GTF2F2: variants seen among roughly 807,000 people sequenced by gnomAD.
The protein encoded by GTF2F2 is ATP-dependent helicase GTF2F2.
Under a neutral mutation model 42.2 loss-of-function variants are expected in GTF2F2, and 23 were observed. The ratio of observed to expected loss-of-function variants is 0.55; its 90% CI spans 0.39 to 0.77. The LOEUF (loss-of-function observed/expected upper bound fraction) is 0.77, where lower values mean the gene tolerates loss of function less well. GTF2F2 is among the 30% of genes least tolerant of loss of function. GTF2F2 has a pLI of 0.00. For missense variants in GTF2F2, 261 were observed against 287.2 expected (o/e 0.91, Z 0.66); for synonymous variants, 105 against 100.8 (o/e 1.04, Z -0.25).
At chr13:45,266,544 TCTGTTAGATAAA>T (rs1283416877) in intron 6 of GTF2F2, among the ~76,000 whole-genome samples, 2 of 152,170 alleles carry the variant, frequency 1.3e-5, no homozygotes, top group Non-Finnish European at 2.9e-5. Flanking sequence ...TGAAACTGCA[TCTGTTAGATAAA>T]CTGTTTTACT....
chr13:45,167,011 G>A (rs1428583568), intron 4 of GTF2F2, among the ~76,000 whole-genome samples: 4 of 151,816 alleles, frequency 2.6e-5, no homozygotes, highest in African/African-American at 9.7e-5. Flanking sequence ...AGACAGCTGT[G>A]GCCTGCCCAG....
At chr13:45,122,269 GA>G (rs540713189) in intron 1 of GTF2F2, among the ~76,000 whole-genome samples, 53 of 146,918 alleles carry the variant, frequency 3.6e-4, no homozygotes, top group East Asian at 7.9e-4. Flanking sequence ...ATTTATTCAG[GA>G]AAAAAAAAAA....
intron 4 of GTF2F2, among the ~76,000 whole-genome samples, chr13:45,196,427 T>C (rs1344352510): frequency 6.6e-6 from 1 of 152,220 alleles, no homozygotes; most frequent in Non-Finnish European, 1.5e-5. Context: ...TTAGATTAAG[T>C]CTTTTCTGTC....
rs1873689755 is a variant in GTF2F2, at chr13:45,212,441, TTTCTTG to T, written c.386+4939_386+4944del. Among the ~76,000 whole-genome samples the T allele has an allele frequency of 1.3e-4, 11 of 85,212 alleles. 1 individual carries two copies. Among genetic ancestry groups the T allele is most frequent in the African/African-American group, 4.9e-4 (11 of 22,578 alleles). The allele number at this position is 85,212 out of a possible 152,430, so 55.9% of individuals were successfully genotyped here. On this transcript the variant is annotated intron_variant, in intron 5 of 7. Transcript: ENST00000340473. ...TAGGATTGATTTCTTTCTTTCTTTC[TTTCTTG>T]TTTCTTTCTTTCTTTCTTTCTTTCT...
At chr13:45,140,952 T>C (rs1026340847) in intron 2 of GTF2F2, among the ~76,000 whole-genome samples, 4 of 152,234 alleles carry the variant, frequency 2.6e-5, no homozygotes, top group Admixed American at 6.5e-5. Context: ...GCTTTGGGCC[T>C]TACACTTCTT....
At chr13:45,155,993 G>A (rs1411449064) in intron 4 of GTF2F2, among the ~76,000 whole-genome samples, 1 of 151,106 alleles carries the variant, frequency 6.6e-6, no homozygotes, top group Non-Finnish European at 1.5e-5. Flanking sequence ...TTTTTTAGAG[G>A]CAGTGTCTCA....
At chr13:45,271,349 A>G (rs1026969434) in intron 7 of GTF2F2, among the ~76,000 whole-genome samples, 1 of 151,562 alleles carries the variant, frequency 6.6e-6, no homozygotes, top group Non-Finnish European at 1.5e-5. Context: ...CCACCTACCC[A>G]ATTTCAAGTC....
At position 45,240,101 on chromosome 13, in the gene GTF2F2, A is replaced by ATTTTTTTTTT. The variant is rs34744288; in HGVS notation, c.387-12753_387-12744dup. On this transcript the variant is annotated intron_variant, in intron 5 of 7. Coordinates refer to ENST00000340473, the MANE Select transcript of GTF2F2 (RefSeq NM_004128.3). ...TCCAATTTCTGTATTATGTAGAGGGATTTTTTTTTTTTTTTTTTTTTTTTT... is the reference window on the plus strand; with the variant it reads ...TCCAATTTCTGTATTATGTAGAGGGATTTTTTTTTTTTTTTTTTTTTTTTTTTTTTTTTTT... Among the ~76,000 whole-genome samples the ATTTTTTTTTT allele has an allele frequency of 1.5e-4, 14 of 91,094 alleles. 1 individual carries two copies. The highest frequency in any genetic ancestry group is 4.2e-4 in the African/African-American group (8 of 18,846). 59.8% of individuals were successfully genotyped at this position (91,094 alleles called of 152,430 possible).
At chr13:45,146,639 G>A (rs1317522518) in intron 2 of GTF2F2, among the ~76,000 whole-genome samples, 1 of 152,160 alleles carries the variant, frequency 6.6e-6, no homozygotes, top group Non-Finnish European at 1.5e-5. Context: ...TATTTTAAAA[G>A]TGTAAGAAAA....
chr13:45,223,435 A>G (rs536100733), intron 5 of GTF2F2, among the ~76,000 whole-genome samples: 2 of 152,280 alleles, frequency 1.3e-5, no homozygotes, highest in Admixed American at 6.5e-5. Flanking sequence ...GGGTACGCAC[A>G]CCAATTTTGG....
intron 2 of GTF2F2, among the ~76,000 whole-genome samples, chr13:45,147,158 G>A (rs1870235076): frequency 6.6e-6 from 1 of 152,100 alleles, no homozygotes; most frequent in African/African-American, 2.4e-5. Flanking sequence ...ATGTCAACAT[G>A]ATCTTTAATT....
At chr13:45,137,033 A>G (rs1014386077) in intron 2 of GTF2F2, among the ~76,000 whole-genome samples, 15 of 152,184 alleles carry the variant, frequency 9.9e-5, no homozygotes, top group Non-Finnish European at 2.1e-4. Context: ...TATAAATATA[A>G]TATCAAGTTT....
intron 4 of GTF2F2, among the ~76,000 whole-genome samples, chr13:45,195,969 T>C (rs1260126610): frequency 6.6e-6 from 1 of 152,198 alleles, no homozygotes; most frequent in African/African-American, 2.4e-5. Context: ...CTGTTAAAAG[T>C]TAGACTTTAG....
intron 5 of GTF2F2, among the ~76,000 whole-genome samples, chr13:45,223,265 A>T (rs1221946881): frequency 8.3e-6 from 1 of 120,916 alleles, no homozygotes; most frequent in African/African-American, 5.2e-5. Flanking sequence ...GTCTCAATAA[A>T]AAAAAAAAAA....
chr13:45,207,464 A>G lies in GTF2F2; in HGVS notation c.345A>G (p.Glu115=). ...SLEGIVVQRA[E]CRPAASENYM... is the part of the protein sequence containing the mutation. ...AAGGAATAGTGGTACAAAGAGCTGA[A>G]TGCCGACCAGCTGCCAGTGAAAACT... is the stretch of plus-strand genomic sequence containing the variant. Residue 115 remains glutamate (E), a synonymous_variant, in exon 5 of 8, where the codon GAA becomes GAG. Transcript: ENST00000340473. The G allele has an allele frequency of 6.2e-7, 1 of 1,612,138 alleles. No homozygotes were observed. Among genetic ancestry groups the G allele is most frequent in the Non-Finnish European group, 8.5e-7 (1 of 1,178,200 alleles).
At chr13:45,211,586 AT>A (rs67901676) in intron 5 of GTF2F2, among the ~76,000 whole-genome samples, 969 of 86,678 alleles carry the variant, frequency 0.011, 5 homozygotes, top group African/African-American at 0.03. Flanking sequence ...AAAAAAAAAA[AT>A]TTTTTTTTTT....
At chr13:45,226,275 T>TA (rs1313337853) in intron 5 of GTF2F2, among the ~76,000 whole-genome samples, 2 of 152,210 alleles carry the variant, frequency 1.3e-5, no homozygotes, top group Admixed American at 6.5e-5. Context: ...GCTCTAAACT[T>TA]ACGCTGTTGG....
intron 3 of GTF2F2, among the ~76,000 whole-genome samples, chr13:45,150,384 A>G (rs1367224473): frequency 1.3e-5 from 2 of 152,212 alleles, no homozygotes; most frequent in Admixed American, 6.5e-5. Context: ...ACAATCAAAA[A>G]TAATACCATG....
rs185604462 is a variant in GTF2F2 at position 45,143,238 on chromosome 13, T to C, written c.140+6432T>C. On this transcript the variant is annotated intron_variant, in intron 2 of 7. Coordinates refer to ENST00000340473, the MANE Select transcript of GTF2F2 (RefSeq NM_004128.3). ...AGAGGCAGATTAACCTCTAAGTATG[T>C]AGGTTTATAGGTTATAGGTTATAGG... is the stretch of plus-strand genomic sequence containing the variant. Among the ~76,000 whole-genome samples, 427 of 152,292 alleles carry C rather than the reference T, an allele frequency of 2.8e-3. 8 individuals carry two copies. Among genetic ancestry groups the C allele is most frequent in the East Asian group, 7.7e-4 (4 of 5,184 alleles).
Sources: gnomAD v4.1 joint callset for allele counts (sites outside exome capture counted in the v4.1 genomes callset) on GRCh38, gnomAD v4.1.1 for gene constraint, MANE v1.5 for transcripts, NCBI Gene and HGNC (gene_info 2026-07-23, HGNC 2026-07-21) for gene names.